The following LAMA2 variants were observed in gnomAD, a reference collection of about 807,000 sequenced individuals.
LAMA2 encodes laminin subunit alpha 2, also known as laminin subunit alpha-2.
A neutral mutation model predicts 364.8 loss-of-function variants in LAMA2; 269 were observed. The observed-to-expected ratio is 0.74, with a 90% CI of 0.67 to 0.82. The LOEUF is 0.82. LAMA2 is among the 40% of genes least tolerant of loss of function. The pLI is 0.00. For synonymous variants in LAMA2, 1,379 were observed against 1,370.6 expected (o/e 1.01, Z -0.14); for missense variants, 3,807 against 3,873.2 (o/e 0.98, Z 0.45).
chr6:128,965,684 A>G (rs894348704), intron 1 of LAMA2, among the ~76,000 whole-genome samples: 2 of 152,046 alleles, frequency 1.3e-5, no homozygotes, highest in African/African-American at 2.4e-5. Context: ...CATCGATGAC[A>G]TTATTACTTA....
At chr6:129,389,625 C>T (rs936304644) in intron 35 of LAMA2, among the ~76,000 whole-genome samples, 1 of 152,180 alleles carries the variant, frequency 6.6e-6, no homozygotes, top group Non-Finnish European at 1.5e-5. Flanking sequence ...ATAAATTGAC[C>T]ACAGTTCTGC....
At chr6:128,966,561 GAA>G (rs1386165196) in intron 1 of LAMA2, among the ~76,000 whole-genome samples, 1 of 151,674 alleles carries the variant, frequency 6.6e-6, no homozygotes, top group Non-Finnish European at 1.5e-5. Context: ...AGGCCTCAGA[GAA>G]TGTTCCAGCT....
chr6:129,299,227 G>C (rs891400289), intron 21 of LAMA2, among the ~76,000 whole-genome samples: 3 of 151,700 alleles, frequency 2.0e-5, no homozygotes, highest in African/African-American at 7.3e-5. Flanking sequence ...TGTCTAAATG[G>C]CTCCTTCAGT....
chr6:129,408,720 C>T (rs1038562803), intron 40 of LAMA2, among the ~76,000 whole-genome samples: 4 of 152,084 alleles, frequency 2.6e-5, no homozygotes, highest in African/African-American at 7.2e-5. Flanking sequence ...GGGCACTCAG[C>T]GGTGGCTATA....
chr6:128,992,297 A>G (rs962760666), intron 1 of LAMA2, among the ~76,000 whole-genome samples: 2 of 152,204 alleles, frequency 1.3e-5, no homozygotes, highest in African/African-American at 2.4e-5. Flanking sequence ...AATAATAAAA[A>G]CCTTATTTCA....
At position 129,516,219 on chromosome 6, in the gene LAMA2, A is replaced by C; in HGVS notation, c.9241A>C (p.Ser3081Arg). Reference sequence around the variant, plus strand: ...CCTCAAGCAGTTTGGCCTAACAACCAGTATTCCGTTCCGAGGTTGCATCAG... The same window carrying C: ...CCTCAAGCAGTTTGGCCTAACAACCCGTATTCCGTTCCGAGGTTGCATCAG... The part of the protein sequence containing the change: ...DDLKQFGLTT[S>R]IPFRGCIRSL... The change falls in exon 65 of 65, where the codon AGT becomes CGT. Residue 3081 changes from serine (S) to arginine (R), a missense_variant. Ser to Arg is a moderately radical substitution (Grantham distance 110). Transcript: ENST00000421865. 6.2e-7 allele frequency: 1 copy of C among 1,614,028 alleles called. No homozygotes were observed. The highest frequency in any genetic ancestry group is 2.2e-5 in the East Asian group (1 of 44,888).
intron 1 of LAMA2, among the ~76,000 whole-genome samples, chr6:129,025,628 A>G (rs1785757103): frequency 6.6e-6 from 1 of 152,210 alleles, no homozygotes; most frequent in African/African-American, 2.4e-5. Flanking sequence ...ATTTAAATCA[A>G]GGAAACCATT....
intron 34 of LAMA2, among the ~76,000 whole-genome samples, chr6:129,380,265 T>G (rs1332311621): frequency 6.6e-6 from 1 of 152,132 alleles, no homozygotes; most frequent in Non-Finnish European, 1.5e-5. Flanking sequence ...AACAAAATCT[T>G]TTTTTGAGAA....
chr6:128,938,250 C>T (rs972330623), intron 1 of LAMA2, among the ~76,000 whole-genome samples: 1 of 152,034 alleles, frequency 6.6e-6, no homozygotes, highest in African/African-American at 2.4e-5. Flanking sequence ...ATGAGAGTAT[C>T]TACCTCCCTG....
In LAMA2 at chr6:129,297,828, C is replaced by G. The variant is rs745851233; in HGVS notation, c.3000C>G (p.Ala1000=). The change falls in exon 21 of 65, where the codon GCC becomes GCG. Residue 1000 remains alanine, a synonymous_variant. Transcript: ENST00000421865. The part of the protein sequence containing the change: ...GVTGKKCDRC[A]HGYFNFQEGG... The stretch of plus-strand genomic sequence containing the variant: ...CAGGGAAGAAATGTGACCGCTGTGC[C>G]CACGGCTATTTCAACTTCCAAGAAG... The G allele has an allele frequency of 1.4e-5, 22 of 1,613,764 alleles. No individual in the cohort carries two copies. Among genetic ancestry groups the G allele is most frequent in the Non-Finnish European group, 1.6e-5 (19 of 1,179,904 alleles).
chr6:128,989,257 A>G (rs1783455207), intron 1 of LAMA2, among the ~76,000 whole-genome samples: 1 of 152,218 alleles, frequency 6.6e-6, no homozygotes, highest in African/African-American at 2.4e-5. Flanking sequence ...AATCAAATAT[A>G]TAATATGAAG....
intron 55 of LAMA2, among the ~76,000 whole-genome samples, chr6:129,483,024 G>C (rs1019594907): frequency 6.8e-6 from 1 of 146,970 alleles, no homozygotes; most frequent in African/African-American, 2.5e-5. Context: ...CCGAGATTGT[G>C]CCATTGCACT....
At chr6:129,019,169 T>C (rs1785259017) in intron 1 of LAMA2, among the ~76,000 whole-genome samples, 1 of 152,106 alleles carries the variant, frequency 6.6e-6, no homozygotes, top group Admixed American at 6.6e-5. Flanking sequence ...TCAAATGGCT[T>C]CTTAAGAAAT....
At chr6:129,092,577 A>G (rs1225199032) in intron 3 of LAMA2, among the ~76,000 whole-genome samples, 1 of 152,232 alleles carries the variant, frequency 6.6e-6, no homozygotes, top group Non-Finnish European at 1.5e-5. Context: ...GCAAGAGCAC[A>G]TACTAGAAAA....
rs376917587 is a variant in LAMA2 at position 129,146,987 on chromosome 6, T to C, written c.848T>C (p.Val283Ala). The C allele has an allele frequency of 9.2e-5, 149 of 1,611,506 alleles. No individual in the cohort carries two copies. The highest frequency in any genetic ancestry group is 1.2e-4 in the Non-Finnish European group (142 of 1,177,918). The change falls in exon 6 of 65, where the codon GTT becomes GCT. Residue 283 changes from valine to alanine, a missense_variant. This residue lies in a region of LAMA2 where 394 missense variants were observed against 403.5 expected (regional missense o/e 0.98). Coordinates refer to ENST00000421865, the MANE Select transcript of LAMA2 (RefSeq NM_000426.4). ...TACTACTCGGTCAAGGATATTTCAGTTGGAGGGATGTGCATCTGCTATGGT... is the reference window on the plus strand; with the variant it reads ...TACTACTCGGTCAAGGATATTTCAGCTGGAGGGATGTGCATCTGCTATGGT... ...RYYYSVKDIS[V>A]GGMCICYGHA...
At chr6:129,470,817 T>C (rs983317692) in intron 51 of LAMA2, among the ~76,000 whole-genome samples, 2 of 151,834 alleles carry the variant, frequency 1.3e-5, no homozygotes, top group Non-Finnish European at 2.9e-5. Flanking sequence ...TTATATGAAT[T>C]ATTCTCAACT....
intron 1 of LAMA2, among the ~76,000 whole-genome samples, chr6:128,976,977 A>G (rs974329095): frequency 1.3e-5 from 2 of 152,216 alleles, no homozygotes; most frequent in Non-Finnish European, 2.9e-5. Flanking sequence ...AGAAAGCACA[A>G]TCCACATTTG....
chr6:129,389,038 C>T (rs1047949412), intron 35 of LAMA2, among the ~76,000 whole-genome samples: 12 of 152,136 alleles, frequency 7.9e-5, no homozygotes, highest in Admixed American at 1.3e-4. Context: ...GATTCTGTAA[C>T]AAAATTGAGA....
intron 58 of LAMA2, among the ~76,000 whole-genome samples, chr6:129,499,264 ATT>A (rs986303196): frequency 7.4e-5 from 11 of 149,464 alleles, no homozygotes; most frequent in Non-Finnish European, 1.2e-4. Context: ...GAGACTGTGA[ATT>A]TTTTTTTTTA....
Sources: gnomAD v4.1 joint callset for allele counts (sites outside exome capture counted in the v4.1 genomes callset) on GRCh38, gnomAD v4.1.1 for gene constraint, gnomAD v4.1.1 regional missense constraint, MANE v1.5 for transcripts, NCBI Gene and HGNC (gene_info 2026-07-23, HGNC 2026-07-21) for gene names.